SLC24A2: variants seen among roughly 807,000 people sequenced by gnomAD.
The protein encoded by SLC24A2 is sodium/potassium/calcium exchanger 2.
A neutral mutation model predicts 62.0 loss-of-function variants in SLC24A2; 36 were observed. The ratio of observed to expected loss-of-function variants is 0.58; its 90% confidence interval spans 0.44 to 0.77. The LOEUF is 0.77. SLC24A2 is among the 30% of genes least tolerant of loss of function. The pLI, the probability that SLC24A2 is intolerant of heterozygous loss-of-function variation, is 0.00. For synonymous variants in SLC24A2, 358 were observed against 294.0 expected (o/e 1.22, Z -2.23); for missense variants, 846 against 817.9 (o/e 1.03, Z -0.42).
At chr9:20,259,169 C>A in the SLC24A2 span, among the ~76,000 whole-genome samples, 2 of 152,124 alleles carry the variant, frequency 1.3e-5, no homozygotes, top group African/African-American at 4.8e-5. Flanking sequence ...AACAGATTCT[C>A]CCCTAGAGCC....
chr9:20,011,327 C>T, the SLC24A2 span, among the ~76,000 whole-genome samples: 7 of 151,938 alleles, frequency 4.6e-5, no homozygotes, highest in East Asian at 1.9e-4. Context: ...TGGTATCTCA[C>T]TGTGGTTTTG....
chr9:19,790,744 C>A (rs531661106), upstream of SLC24A2, among the ~76,000 whole-genome samples: 3 of 152,058 alleles, frequency 2.0e-5, no homozygotes, highest in East Asian at 3.8e-4. Flanking sequence ...TCTGGGTAAC[C>A]AATTAGGCTT....
At chr9:19,846,331 T>C in the SLC24A2 span, among the ~76,000 whole-genome samples, 3 of 152,200 alleles carry the variant, frequency 2.0e-5, no homozygotes, top group Non-Finnish European at 2.9e-5. Flanking sequence ...TATAATCCTT[T>C]ATTATTATGT....
At chr9:19,772,046 G>A (rs941804820) in intron 2 of SLC24A2, among the ~76,000 whole-genome samples, 1 of 152,196 alleles carries the variant, frequency 6.6e-6, no homozygotes, top group Non-Finnish European at 1.5e-5. Flanking sequence ...CTGCTTTGCT[G>A]GTAGGGCTTC....
intron 2 of SLC24A2, among the ~76,000 whole-genome samples, chr9:19,671,419 T>G (rs572443133): frequency 2.4e-4 from 36 of 151,794 alleles, no homozygotes; most frequent in Non-Finnish European, 4.3e-4. Flanking sequence ...CCTGAGACTC[T>G]GCTGAATTCA....
At chr9:20,227,008 T>C in the SLC24A2 span, among the ~76,000 whole-genome samples, 1 of 152,318 alleles carries the variant, frequency 6.6e-6, no homozygotes, top group Admixed American at 6.5e-5. Flanking sequence ...TCCCAAATCC[T>C]TTCTAAGGGA....
At position 19,649,939 on chromosome 9, in the gene SLC24A2, C is replaced by T. The variant is rs78460119; in HGVS notation, c.931-27640G>A. On this transcript the variant is annotated intron_variant, in intron 2 of 10. Coordinates refer to ENST00000341998, the MANE Select transcript of SLC24A2 (RefSeq NM_020344.4). ...TATTCTATTCAGCATGTCATGCTCA[C>T]AGGCAAGTCTCATGGCCAAGGAGCA... 4.1e-3 allele frequency among the ~76,000 whole-genome samples: 628 copies of T among 152,334 alleles called. 2 individuals carry two copies. The highest frequency in any genetic ancestry group is 5.4e-3 in the Non-Finnish European group (368 of 68,030).
At chr9:20,232,514 T>G in the SLC24A2 span, among the ~76,000 whole-genome samples, 150 of 152,334 alleles carry the variant, frequency 9.8e-4, 1 homozygote, top group African/African-American at 3.5e-3. Flanking sequence ...TTTTGTAGTT[T>G]ATTTGCGTAG....
chr9:20,092,738 A>T, the SLC24A2 span, among the ~76,000 whole-genome samples: 2 of 152,188 alleles, frequency 1.3e-5, no homozygotes, highest in African/African-American at 4.8e-5. Context: ...TGTGCAGGGC[A>T]GGGGGATGAG....
the SLC24A2 span, among the ~76,000 whole-genome samples, chr9:20,044,664 G>T: frequency 7.9e-5 from 12 of 152,052 alleles, no homozygotes; most frequent in African/African-American, 2.4e-4. Flanking sequence ...GATCATAAAA[G>T]AAAACTGATG....
the SLC24A2 span, among the ~76,000 whole-genome samples, chr9:19,974,660 C>A: frequency 6.6e-6 from 1 of 152,288 alleles, no homozygotes; most frequent in East Asian, 1.9e-4. Context: ...AGTTAGAAAA[C>A]CACTTGGAAA....
the SLC24A2 span, among the ~76,000 whole-genome samples, chr9:19,920,892 C>A: frequency 6.6e-6 from 1 of 152,166 alleles, no homozygotes; most frequent in Non-Finnish European, 1.5e-5. Flanking sequence ...CAAACCAGAT[C>A]TGCTCCTGTT....
At chr9:19,761,895 G>A (rs942538141) in intron 2 of SLC24A2, among the ~76,000 whole-genome samples, 14 of 152,086 alleles carry the variant, frequency 9.2e-5, no homozygotes, top group African/African-American at 2.9e-4. Flanking sequence ...TGGACATTTG[G>A]GTTGGTTCCA....
the SLC24A2 span, among the ~76,000 whole-genome samples, chr9:19,812,347 T>C: frequency 1.3e-5 from 2 of 152,244 alleles, no homozygotes; most frequent in South Asian, 4.2e-4. Context: ...TACATTCTTC[T>C]AAATTTTATA....
At chr9:19,956,722 T>A in the SLC24A2 span, among the ~76,000 whole-genome samples, 19 of 152,110 alleles carry the variant, frequency 1.2e-4, no homozygotes, top group Non-Finnish European at 2.1e-4. Context: ...ATGATTCAAT[T>A]ACCTCCCACC....
chr9:19,798,154 G>A, the SLC24A2 span, among the ~76,000 whole-genome samples: 3 of 151,990 alleles, frequency 2.0e-5, no homozygotes, highest in Non-Finnish European at 4.4e-5. Flanking sequence ...CTTGAAGTAT[G>A]TTTTATCTAA....
At chr9:19,784,849 A>G (rs1342066399) in intron 2 of SLC24A2, among the ~76,000 whole-genome samples, 1 of 152,224 alleles carries the variant, frequency 6.6e-6, no homozygotes, top group African/African-American at 2.4e-5. Flanking sequence ...CTTCCATTTC[A>G]TGGCTGCAAT....
chr9:19,812,039 C>A, the SLC24A2 span, among the ~76,000 whole-genome samples: 2 of 152,066 alleles, frequency 1.3e-5, no homozygotes, highest in African/African-American at 4.8e-5. Flanking sequence ...ACTGGATATA[C>A]AGTTTTAGAC....
intron 2 of SLC24A2, among the ~76,000 whole-genome samples, chr9:19,622,683 T>C (rs1395639761): frequency 1.3e-5 from 2 of 152,202 alleles, no homozygotes; most frequent in African/African-American, 4.8e-5. Context: ...CATTTATAAA[T>C]ATTTATTGTT....
Sources: gnomAD v4.1 joint callset for allele counts (sites outside exome capture counted in the v4.1 genomes callset) on GRCh38, gnomAD v4.1.1 for gene constraint, MANE v1.5 for transcripts, NCBI Gene and HGNC (gene_info 2026-07-23, HGNC 2026-07-21) for gene names.